The following THSD7B variants were observed in gnomAD, a reference collection of about 807,000 sequenced individuals.
The protein encoded by THSD7B is thrombospondin type 1 domain containing 7B, also known as thrombospondin type-1 domain-containing protein 7B.
In THSD7B, 138 loss-of-function variants were observed where a neutral mutation model predicts 213.6. The ratio of observed to expected loss-of-function variants is 0.65; its 90% CI spans 0.56 to 0.74. The LOEUF is 0.74. Among genes scored for constraint, THSD7B ranks in the 30% least tolerant of loss-of-function variants. The pLI, the probability that THSD7B is intolerant of heterozygous loss-of-function variation, is 0.00. For synonymous variants in THSD7B, 742 were observed against 687.0 expected (o/e 1.08, Z -1.25); for missense variants, 1,931 against 1,991.5 (o/e 0.97, Z 0.58).
Position 137,391,616 on chromosome 2 carries a change from G to A in THSD7B, c.2501-13997G>A, listed in dbSNP as rs150193736. Among the ~76,000 whole-genome samples the A allele has an allele frequency of 4.3e-3, 647 of 152,052 alleles. 6 individuals carry two copies. The highest frequency in any genetic ancestry group is 0.015 in the African/African-American group (608 of 41,472). On this transcript the variant is annotated intron_variant, in intron 12 of 27. Transcript: ENST00000409968. ...GCAGGAGAACCACTTGAACCCAGGA[G>A]GCGGAGGTTGTGGTGAGTTGAGATC...
intron 7 of THSD7B, among the ~76,000 whole-genome samples, chr2:137,183,745 G>A (rs1340429821): frequency 6.6e-6 from 1 of 152,052 alleles, no homozygotes; most frequent in Non-Finnish European, 1.5e-5. Context: ...TCAAAACAAG[G>A]GACCTAGGTA....
chr2:137,478,216 C>G (rs1365939910), intron 15 of THSD7B, among the ~76,000 whole-genome samples: 1 of 152,134 alleles, frequency 6.6e-6, no homozygotes, highest in East Asian at 1.9e-4. Context: ...TGCTAAAACA[C>G]CAAAAATTCA....
intron 6 of THSD7B, 124 bp downstream of exon 6, chr2:137,160,492 A>C: frequency 2.9e-5 from 37 of 1,270,080 alleles, no homozygotes; most frequent in Non-Finnish European, 3.6e-5. Flanking sequence ...TAACCAGCTC[A>C]AGCCTAACGG....
At chr2:137,078,660 TA>T (rs1252194965) in intron 3 of THSD7B, among the ~76,000 whole-genome samples, 4 of 152,262 alleles carry the variant, frequency 2.6e-5, no homozygotes, top group East Asian at 1.9e-4. Flanking sequence ...TGTATGTATA[TA>T]TTTTTTTCAT....
rs11889060 is a variant in THSD7B at position 137,358,889 on chromosome 2, C to T, written c.2501-46724C>T. Among the ~76,000 whole-genome samples the T allele has an allele frequency of 9.9e-3, 1,508 of 152,266 alleles. 30 individuals are homozygous for T. The highest frequency in any genetic ancestry group is 0.035 in the African/African-American group (1,458 of 41,538). On this transcript the variant is annotated intron_variant, in intron 12 of 27. Transcript: ENST00000409968. ...TGTTCACAAATAGTGTATATTAGCA[C>T]CTTTGCTTGTGAATGTTTGTGTTTG...
chr2:137,319,223 C>CT (rs756553883), intron 12 of THSD7B, among the ~76,000 whole-genome samples: 2,431 of 137,934 alleles, frequency 0.018, 21 homozygotes, highest in Non-Finnish European at 0.023. Flanking sequence ...GTATATATTT[C>CT]TTTTTTTTTT....
chr2:137,514,852 A>G (rs1680037259), intron 15 of THSD7B, among the ~76,000 whole-genome samples: 1 of 152,222 alleles, frequency 6.6e-6, no homozygotes, highest in South Asian at 2.1e-4. Flanking sequence ...CTTTGACTAT[A>G]TGTGGAGAAC....
At chr2:137,081,226 G>A (rs1204764432) in intron 3 of THSD7B, among the ~76,000 whole-genome samples, 1 of 152,076 alleles carries the variant, frequency 6.6e-6, no homozygotes, top group Non-Finnish European at 1.5e-5. Context: ...TCGTTTCAAT[G>A]TATAGATTCA....
At chr2:136,995,431 T>C (rs575888139) in intron 2 of THSD7B, among the ~76,000 whole-genome samples, 1 of 152,330 alleles carries the variant, frequency 6.6e-6, no homozygotes, top group African/African-American at 2.4e-5. Flanking sequence ...CAAGCTCTTC[T>C]TCCTGACTAT....
intron 2 of THSD7B, among the ~76,000 whole-genome samples, chr2:136,901,912 G>A (rs536587): frequency 0.43 from 65,267 of 152,054 alleles, 15,632 homozygotes; most frequent in Non-Finnish European, 0.55. Context: ...AGACAAGCCA[G>A]CTTTCAGACC....
At chr2:137,324,662 G>A (rs79923288) in intron 12 of THSD7B, among the ~76,000 whole-genome samples, 6,789 of 152,084 alleles carry the variant, frequency 0.045, 185 homozygotes, top group Non-Finnish European at 0.061. Flanking sequence ...CAACCTTTGG[G>A]GACAATGGAT....
At chr2:137,538,721 T>C (rs1680553306) in intron 15 of THSD7B, among the ~76,000 whole-genome samples, 1 of 151,724 alleles carries the variant, frequency 6.6e-6, no homozygotes, top group South Asian at 2.1e-4. Flanking sequence ...ACCTAGGAAA[T>C]TGATTTATAT....
At chr2:136,998,141 C>A (rs899334826) in intron 2 of THSD7B, among the ~76,000 whole-genome samples, 1 of 151,504 alleles carries the variant, frequency 6.6e-6, no homozygotes, top group East Asian at 2.0e-4. Flanking sequence ...CTTTTTGCTA[C>A]TCTTAGGATG....
At chr2:136,830,389 A>G (rs1276044126) in intron 1 of THSD7B, among the ~76,000 whole-genome samples, 2 of 139,366 alleles carry the variant, frequency 1.4e-5, no homozygotes, top group African/African-American at 5.4e-5. Flanking sequence ...AACCAAACAA[A>G]TAAGTTAGGC....
chr2:137,545,694 G>T (rs1385147115), intron 15 of THSD7B, among the ~76,000 whole-genome samples: 1 of 151,852 alleles, frequency 6.6e-6, no homozygotes. Context: ...AGCCAGCTCA[G>T]ATCTAGAACC....
At chr2:137,636,196 T>A (rs1021154684) in intron 20 of THSD7B, among the ~76,000 whole-genome samples, 3 of 152,180 alleles carry the variant, frequency 2.0e-5, no homozygotes, top group Non-Finnish European at 4.4e-5. Context: ...TCAACAAACT[T>A]TCTCCATTAA....
At chr2:137,041,332 G>C (rs1442865356) in intron 2 of THSD7B, among the ~76,000 whole-genome samples, 1 of 152,122 alleles carries the variant, frequency 6.6e-6, no homozygotes, top group East Asian at 1.9e-4. Context: ...AAGGGGTGCA[G>C]ATAAGCAGTA....
intron 15 of THSD7B, among the ~76,000 whole-genome samples, chr2:137,478,307 C>T (rs1345986796): frequency 6.6e-6 from 1 of 152,060 alleles, no homozygotes; most frequent in African/African-American, 2.4e-5. Flanking sequence ...TTTTGGAAGA[C>T]CTATCTTAAC....
chr2:137,609,196 C>T (rs1682242481), intron 17 of THSD7B, among the ~76,000 whole-genome samples: 1 of 152,042 alleles, frequency 6.6e-6, no homozygotes, highest in African/African-American at 2.4e-5. Flanking sequence ...TCGAGTATCT[C>T]TAAAGCCCAT....
Sources: allele counts gnomAD v4.1 joint callset (sites outside exome capture counted in the v4.1 genomes callset), GRCh38; gene constraint gnomAD v4.1.1; transcripts MANE v1.5; gene names NCBI Gene and HGNC (gene_info 2026-07-23, HGNC 2026-07-21).